The following GPATCH8 variants were observed in gnomAD, a reference collection of about 807,000 sequenced individuals.
GPATCH8 encodes G patch domain-containing protein 8.
In GPATCH8, 18 loss-of-function variants were observed where a neutral mutation model predicts 118.3. The ratio of observed to expected loss-of-function variants is 0.15; its 90% confidence interval spans 0.11 to 0.23. GPATCH8 has a LOEUF of 0.23. Among genes scored for constraint, GPATCH8 ranks in the 10% least tolerant of loss-of-function variants. GPATCH8 has a pLI of 1.00. For missense variants in GPATCH8, 1,631 were observed against 1,873.8 expected (o/e 0.87, Z 2.39); for synonymous variants, 659 against 684.7 (o/e 0.96, Z 0.59).
chr17:44,496,879 T>C (rs1471414328), intron 1 of GPATCH8, among the ~76,000 whole-genome samples: 1 of 152,216 alleles, frequency 6.6e-6, no homozygotes, highest in African/African-American at 2.4e-5. Context: ...ACGATATGCA[T>C]TAAGCACATT....
intron 3 of GPATCH8, among the ~76,000 whole-genome samples, chr17:44,448,503 A>AAGG (rs1491260519): frequency 1.6e-5 from 1 of 63,746 alleles, no homozygotes; most frequent in Non-Finnish European, 2.8e-5. Flanking sequence ...AAAAAAAAAA[A>AAGG]GGGGGGGGGG....
At chr17:44,448,502 AAG>A (rs1491165474) in intron 3 of GPATCH8, among the ~76,000 whole-genome samples, 120 of 104,044 alleles carry the variant, frequency 1.2e-3, no homozygotes, top group African/African-American at 3.8e-3. Context: ...AAAAAAAAAA[AAG>A]GGGGGGGGGG....
In GPATCH8 at chr17:44,480,898, A is replaced by C. The variant is rs187306288; in HGVS notation, c.46-5995T>G. On this transcript the variant is annotated intron_variant, in intron 1 of 7. Transcript: ENST00000591680. ...AAAACAAAAACAAAAACAAAAAAAA[A>C]CAACCTAATACCACTTCATTTGTTT... Among the ~76,000 whole-genome samples, 18 of 152,060 alleles carry C rather than the reference A, an allele frequency of 1.2e-4. 1 individual carries two copies. The Middle Eastern group carries it at 0.01, about 86-fold the overall frequency.
chr17:44,407,448 C>G (rs1272402645), intron 6 of GPATCH8, among the ~76,000 whole-genome samples: 1 of 152,140 alleles, frequency 6.6e-6, no homozygotes, highest in African/African-American at 2.4e-5. Flanking sequence ...AGCACCTGTA[C>G]AACATATATA....
At chr17:44,503,265 T>C (rs1031905785) in intron 1 of GPATCH8, 61 bp downstream of exon 1, 4 of 1,418,182 alleles carry the variant, frequency 2.8e-6, no homozygotes, top group African/African-American at 1.4e-5. Context: ...GAGCCGGAGA[T>C]GAAGGAGGTT....
chr17:44,444,032 C>T (rs997839702), intron 3 of GPATCH8, among the ~76,000 whole-genome samples: 8 of 151,988 alleles, frequency 5.3e-5, no homozygotes, highest in African/African-American at 1.9e-4. Flanking sequence ...ATGACCTAAA[C>T]GAATTTCCAT....
Position 44,497,895 on chromosome 17 carries a change from C to T in GPATCH8, c.45+5431G>A, listed in dbSNP as rs1969783358. 2.0e-5 allele frequency among the ~76,000 whole-genome samples: 3 copies of T among 151,328 alleles called. No homozygotes were observed. In the South Asian group the frequency reaches 6.3e-4, roughly 32 times the overall value. On this transcript the variant is annotated intron_variant, in intron 1 of 7. Coordinates refer to ENST00000591680, the MANE Select transcript of GPATCH8 (RefSeq NM_001002909.4). Reference sequence around the variant, plus strand: ...GTGGAGACTGCATGAGCCAAGATCCCACAACTGTACTCTAGCCTGGACAAA... The same window carrying T: ...GTGGAGACTGCATGAGCCAAGATCCTACAACTGTACTCTAGCCTGGACAAA...
At chr17:44,409,444 C>T (rs1315773368) in intron 6 of GPATCH8, 1 of 152,228 alleles carries the variant, frequency 6.6e-6, no homozygotes, top group African/African-American at 2.4e-5. Flanking sequence ...CAAGGTCAGA[C>T]TAAATTCTTA....
Position 44,434,940 on chromosome 17 carries a change from T to G in GPATCH8, c.348+125A>C. On this transcript the variant is annotated intron_variant, in intron 5 of 7. Coordinates refer to ENST00000591680, the MANE Select transcript of GPATCH8 (RefSeq NM_001002909.4). ...AATGTAATAGAAATCTGAGATCTAC[T>G]ACTAATTACCACCAAATGTCAAACA... is the stretch of plus-strand genomic sequence containing the variant. 4.2e-6 allele frequency: 3 copies of G among 713,636 alleles called. No individual in the cohort carries two copies. The South Asian group carries it at 4.5e-5, about 11-fold the overall frequency. The allele number at this position is 713,636 out of a possible 1,614,324, so 44.2% of individuals were successfully genotyped here. A position where few individuals can be genotyped will look rare whatever the true frequency, so the allele number is the denominator to read the frequency against.
chr17:44,492,492 A>G (rs976636030), intron 1 of GPATCH8, among the ~76,000 whole-genome samples: 1 of 151,914 alleles, frequency 6.6e-6, no homozygotes, highest in African/African-American at 2.4e-5. Flanking sequence ...GAATGGCGTG[A>G]ACCTGGGAGG....
chr17:44,462,361 A>G (rs2144283207), intron 3 of GPATCH8, among the ~76,000 whole-genome samples: 1 of 152,314 alleles, frequency 6.6e-6, no homozygotes, highest in East Asian at 1.9e-4. Context: ...CCAACACTTA[A>G]AACTATGCAA....
Position 44,423,544 on chromosome 17 carries a change from C to T in GPATCH8, c.492+805G>A, listed in dbSNP as rs570130252. On this transcript the variant is annotated intron_variant, in intron 6 of 7. Coordinates refer to ENST00000591680, the MANE Select transcript of GPATCH8 (RefSeq NM_001002909.4). ...CATCATTCCAATGCTCATAAATTTA[C>T]AAGTTTAACAAATACAACTATTGTA... is the stretch of plus-strand genomic sequence containing the variant. Among the ~76,000 whole-genome samples the T allele has an allele frequency of 2.6e-5, 4 of 152,224 alleles. No homozygotes were observed. The South Asian group carries it at 8.3e-4, about 32-fold the overall frequency.
At chr17:44,472,320 A>G (rs1216125130) in intron 2 of GPATCH8, among the ~76,000 whole-genome samples, 3 of 152,226 alleles carry the variant, frequency 2.0e-5, no homozygotes, top group Non-Finnish European at 2.9e-5. Flanking sequence ...TGATTACTCA[A>G]TTAGACTGCC....
At chr17:44,423,164 C>T (rs1221909059) in intron 6 of GPATCH8, among the ~76,000 whole-genome samples, 1 of 152,020 alleles carries the variant, frequency 6.6e-6, no homozygotes, top group East Asian at 1.9e-4. Context: ...TCACTTGAAA[C>T]CAGAAGGTGG....
At chr17:44,472,164 T>C (rs781394672) in intron 2 of GPATCH8, among the ~76,000 whole-genome samples, 2 of 152,074 alleles carry the variant, frequency 1.3e-5, no homozygotes, top group African/African-American at 4.8e-5. Flanking sequence ...CTAATATACA[T>C]TTCTGAACAT....
chr17:44,405,771 T>C (rs549062470), intron 7 of GPATCH8, 150 bp downstream of exon 7: 25 of 583,432 alleles, frequency 4.3e-5, no homozygotes, highest in South Asian at 4.3e-4. Flanking sequence ...CTCAAAGTGC[T>C]GGGATTATAG....
At chr17:44,455,058 C>T (rs1396124142) in intron 3 of GPATCH8, among the ~76,000 whole-genome samples, 1 of 152,182 alleles carries the variant, frequency 6.6e-6, no homozygotes, top group African/African-American at 2.4e-5. Flanking sequence ...GGGGGAGCTA[C>T]ATATTTGCTA....
rs779650286 is a variant in GPATCH8, at chr17:44,399,063, G to C, written c.3014C>G (p.Ser1005Cys). The change falls in exon 8 of 8, where the codon TCC becomes TGC. Residue 1005 changes from serine (S) to cysteine (C), a missense_variant. Physicochemically the swap from Ser to Cys is moderately radical, Grantham distance 112. Transcript: ENST00000591680. ...CTCGTGACCCCATGATCTCTTCCTG[G>C]AGCCTGATCTCTGGGAAGGGCTCCT... ...STRSPSQRSG[S>C]RKRSWGHESP... The C allele has an allele frequency of 6.2e-7, 1 of 1,614,098 alleles. No homozygotes were observed.
intron 5 of GPATCH8, among the ~76,000 whole-genome samples, chr17:44,434,202 T>C (rs754233945): frequency 6.6e-6 from 1 of 151,208 alleles, no homozygotes; most frequent in Non-Finnish European, 1.5e-5. Context: ...ATTTAGCAAA[T>C]AGAAGTGTTT....
Sources: gnomAD v4.1 joint callset for allele counts (sites outside exome capture counted in the v4.1 genomes callset) on GRCh38, gnomAD v4.1.1 for gene constraint, MANE v1.5 for transcripts, NCBI Gene and HGNC (gene_info 2026-07-23, HGNC 2026-07-21) for gene names.